CCDC170: variants seen among roughly 807,000 people sequenced by gnomAD.
The protein encoded by CCDC170 is coiled-coil domain-containing protein 170.
CCDC170 carries 69 observed loss-of-function variants against 72.6 expected under a neutral mutation model. That is an observed-to-expected ratio of 0.95 (90% CI 0.78 to 1.16). CCDC170 has a LOEUF of 1.16. Among genes scored for constraint, CCDC170 ranks in the 50% most tolerant of loss-of-function variants. The probability of loss-of-function intolerance (pLI) is 0.00; values close to 1 mark genes in which losing one functional copy is unlikely to be tolerated. For missense variants in CCDC170, 852 were observed against 832.5 expected (o/e 1.02, Z -0.29); for synonymous variants, 300 against 303.9 (o/e 0.99, Z 0.13).
intron 5 of CCDC170, among the ~76,000 whole-genome samples, chr6:151,564,385 C>T (rs569292588): frequency 1.6e-4 from 24 of 152,176 alleles, no homozygotes; most frequent in Middle Eastern, 3.4e-3. Flanking sequence ...CCTCAGGCCC[C>T]GATGGGAACA....
In CCDC170 at chr6:151,605,902, ATT is replaced by A. The variant is rs36039695; in HGVS notation, c.1710+9341_1710+9342del. Among the ~76,000 whole-genome samples the A allele has an allele frequency of 4.7e-3, 622 of 132,550 alleles. 1 individual carries two copies. Among genetic ancestry groups the A allele is most frequent in the Middle Eastern group, 0.016 (4 of 250 alleles). The allele number at this position is 132,550 out of a possible 152,430, so 87.0% of individuals were successfully genotyped here. ...GCCACCAGCTTGCTTCTATGCCGCCATTTTTTTTTTTTTTTTTGAGACAGAGT... is the reference window on the plus strand; with the variant it reads ...GCCACCAGCTTGCTTCTATGCCGCCATTTTTTTTTTTTTTTGAGACAGAGT... On this transcript the variant is annotated intron_variant, in intron 9 of 10. Coordinates refer to ENST00000239374, the MANE Select transcript of CCDC170 (RefSeq NM_025059.4).
In CCDC170 at chr6:151,538,181, T is replaced by C. The variant is rs748840731; in HGVS notation, c.323T>C (p.Leu108Pro). Residue 108 changes from leucine to proline, a missense_variant, in exon 3 of 11, where the codon CTA becomes CCA. By Grantham distance (98) the Leu-to-Pro change is moderately conservative. Coordinates refer to ENST00000239374, the MANE Select transcript of CCDC170 (RefSeq NM_025059.4). ...TCTTTGAGAGACAGAGTTCAGGAAC[T>C]AGAAGAAGAATCAGCAGCACTTTCC... ...LTSLRDRVQE[L>P]EEESAALSTS... 1.9e-6 allele frequency: 3 copies of C among 1,614,024 alleles called. No homozygotes were observed. The highest frequency in any genetic ancestry group is 1.1e-5 in the South Asian group (1 of 91,080).
At chr6:151,553,153 G>T (rs147720359) in intron 5 of CCDC170, among the ~76,000 whole-genome samples, 1 of 152,222 alleles carries the variant, frequency 6.6e-6, no homozygotes, top group African/African-American at 2.4e-5. Flanking sequence ...AACCAAAATT[G>T]ATGATTTATA....
At chr6:151,546,945 G>A (rs775682240) in intron 4 of CCDC170, among the ~76,000 whole-genome samples, 6 of 151,118 alleles carry the variant, frequency 4.0e-5, no homozygotes, top group Non-Finnish European at 7.4e-5. Flanking sequence ...CACAGGGTAG[G>A]AATCTGGAGC....
intron 7 of CCDC170, among the ~76,000 whole-genome samples, chr6:151,587,303 G>T (rs73783079): frequency 0.023 from 3,506 of 152,186 alleles, 137 homozygotes; most frequent in African/African-American, 0.08. Context: ...GTTTGTTTGT[G>T]CTGAGGGGAT....
chr6:151,531,722 A>G (rs898964280), intron 1 of CCDC170, among the ~76,000 whole-genome samples: 2 of 152,234 alleles, frequency 1.3e-5, no homozygotes, highest in African/African-American at 4.8e-5. Flanking sequence ...TTTGACTCAC[A>G]GTTCAGCATG....
Position 151,619,735 on chromosome 6 carries a change from G to T in CCDC170, c.*1588G>T, listed in dbSNP as rs900126603. ...CTCGAGAGGCTGAGACACGAAAATT[G>T]CTTGAACCTGGGAGGCGGAGGTTGC... On this transcript the variant is annotated 3_prime_UTR_variant, in exon 11 of 11. Coordinates refer to ENST00000239374, the MANE Select transcript of CCDC170 (RefSeq NM_025059.4). 1 of 152,084 alleles carries T rather than the reference G, an allele frequency of 6.6e-6. No individual in the cohort carries two copies. Among genetic ancestry groups the T allele is most frequent in the Non-Finnish European group, 1.5e-5 (1 of 68,030 alleles). The allele number at this position is 152,084 out of a possible 1,614,324, so 9.4% of individuals were successfully genotyped here. A position where few individuals can be genotyped will look rare whatever the true frequency, so the allele number is the denominator to read the frequency against.
chr6:151,547,895 A>T (rs986339231), intron 4 of CCDC170, among the ~76,000 whole-genome samples: 3 of 152,212 alleles, frequency 2.0e-5, no homozygotes, highest in Non-Finnish European at 4.4e-5. Context: ...TTTAAAAAGC[A>T]TGGCCGTGTG....
At chr6:151,583,961 G>T (rs975968099) in intron 6 of CCDC170, among the ~76,000 whole-genome samples, 1 of 152,154 alleles carries the variant, frequency 6.6e-6, no homozygotes, top group African/African-American at 2.4e-5. Context: ...CCCAAACACT[G>T]CAATAGTAAC....
rs542796774 is a variant in CCDC170 at position 151,566,306 on chromosome 6, G to A, written c.775-6868G>A. Among the ~76,000 whole-genome samples, 12 of 152,200 alleles carry A rather than the reference G, an allele frequency of 7.9e-5. 1 individual carries two copies. The South Asian group carries it at 2.5e-3, about 32-fold the overall frequency. On this transcript the variant is annotated intron_variant, in intron 5 of 10. Coordinates refer to ENST00000239374, the MANE Select transcript of CCDC170 (RefSeq NM_025059.4). ...ATTTGAATACATCTACAGGATAAAT[G>A]TTCCAGTTCTTTTAACATTTCCTCT...
chr6:151,505,615 C>T (rs1403727549), intron 1 of CCDC170, among the ~76,000 whole-genome samples: 2 of 151,678 alleles, frequency 1.3e-5, no homozygotes, highest in African/African-American at 4.8e-5. Context: ...ACCCGGGAGG[C>T]GGAGCTTGCA....
chr6:151,591,180 A>G (rs1776529013), intron 7 of CCDC170, among the ~76,000 whole-genome samples: 1 of 152,234 alleles, frequency 6.6e-6, no homozygotes, highest in Non-Finnish European at 1.5e-5. Context: ...TTCAGTTGGC[A>G]GGAAGTTGTA....
intron 9 of CCDC170, among the ~76,000 whole-genome samples, chr6:151,598,215 G>A (rs1776652962): frequency 6.6e-6 from 1 of 152,192 alleles, no homozygotes; most frequent in South Asian, 2.1e-4. Context: ...CAGTCCCTTT[G>A]CAACTTGAGA....
At chr6:151,541,885 TA>T (rs34352845) in intron 3 of CCDC170, among the ~76,000 whole-genome samples, 3,981 of 26,834 alleles carry the variant, frequency 0.15, 90 homozygotes, top group East Asian at 0.36. Flanking sequence ...TATATATATA[TA>T]TTTTTTTTTT....
Position 151,516,608 on chromosome 6 carries a change from G to T in CCDC170, c.58-19710G>T, listed in dbSNP as rs183405295. Among the ~76,000 whole-genome samples, 9 of 152,190 alleles carry T rather than the reference G, an allele frequency of 5.9e-5. No individual in the cohort carries two copies. The East Asian group carries it at 1.7e-3, about 29-fold the overall frequency. On this transcript the variant is annotated intron_variant, in intron 1 of 10. Transcript: ENST00000239374. ...ACACACATGAGGAGTGAGTTTAGGA[G>T]CAGAGGTTTGATAGGCAAAAGAAAG...
At chr6:151,565,669 G>T (rs2115079198) in intron 5 of CCDC170, among the ~76,000 whole-genome samples, 1 of 152,274 alleles carries the variant, frequency 6.6e-6, no homozygotes, top group South Asian at 2.1e-4. Context: ...TCATCTTGAA[G>T]CCCTGCCCCT....
intron 1 of CCDC170, among the ~76,000 whole-genome samples, chr6:151,532,924 A>G (rs1023443727): frequency 3.3e-5 from 5 of 152,194 alleles, no homozygotes; most frequent in African/African-American, 9.7e-5. Flanking sequence ...GTTTGTCTGT[A>G]GGCATCGCTG....
chr6:151,538,130 A>G lies in CCDC170; in HGVS notation c.272A>G (p.Asn91Ser). The change falls in exon 3 of 11, where the codon AAT (asparagine) becomes AGT (serine). Residue 91 changes from asparagine to serine, a missense_variant. Coordinates refer to ENST00000239374, the MANE Select transcript of CCDC170 (RefSeq NM_025059.4). ...KAEMESYKEN[N>S]ARKSSLLTSL... ...GAAATGGAGAGCTACAAGGAAAACA[A>G]TGCCAGAAAATCATCTCTCCTTACC... 6.2e-7 allele frequency: 1 copy of G among 1,614,038 alleles called. No homozygotes were observed. The highest frequency in any genetic ancestry group is 8.5e-7 in the Non-Finnish European group (1 of 1,179,960).
chr6:151,569,737 G>C (rs1193226705), intron 5 of CCDC170, among the ~76,000 whole-genome samples: 1 of 152,218 alleles, frequency 6.6e-6, no homozygotes, highest in Non-Finnish European at 1.5e-5. Context: ...TGCATTTGCA[G>C]TCTGAGGACA....
Sources: gnomAD v4.1 joint callset for allele counts (sites outside exome capture counted in the v4.1 genomes callset) on GRCh38, gnomAD v4.1.1 for gene constraint, MANE v1.5 for transcripts, NCBI Gene and HGNC (gene_info 2026-07-23, HGNC 2026-07-21) for gene names.